The following HBS1L variants were observed in gnomAD, a reference collection of about 807,000 sequenced individuals.
HBS1L encodes the protein HBS1 like translational GTPase.
HBS1L carries 55 observed loss-of-function variants against 88.9 expected under a neutral mutation model. The observed-to-expected ratio is 0.62, with a 90% CI of 0.50 to 0.77. HBS1L has a LOEUF of 0.77. Among genes scored for constraint, HBS1L ranks in the 30% least tolerant of loss-of-function variants. HBS1L has a pLI of 0.00. For synonymous variants in HBS1L, 267 were observed against 288.5 expected, an observed-to-expected ratio of 0.93 and a Z score of 0.76; for missense variants, 741 against 829.3, an observed-to-expected ratio of 0.89 and a Z score of 1.31.
chr6:135,000,559 T>C (rs1023755888), intron 5 of HBS1L, among the ~76,000 whole-genome samples: 1 of 152,122 alleles, frequency 6.6e-6, no homozygotes, highest in South Asian at 2.1e-4. Context: ...ATGCACTTAC[T>C]TGCATCTACT....
chr6:134,971,097 A>G (rs540799743), intron 15 of HBS1L, among the ~76,000 whole-genome samples: 1 of 124,580 alleles, frequency 8.0e-6, no homozygotes, highest in Non-Finnish European at 1.8e-5. Flanking sequence ...AAACCAACTC[A>G]TTCAATTAAA....
intron 4 of HBS1L, chr6:135,027,019 C>T (rs537208430): frequency 1.3e-5 from 2 of 151,070 alleles, no homozygotes; most frequent in South Asian, 4.2e-4. Flanking sequence ...TGGCAAGATC[C>T]CATCTCTACT....
intron 4 of HBS1L, among the ~76,000 whole-genome samples, chr6:135,020,854 C>G (rs1776052929): frequency 6.6e-6 from 1 of 151,752 alleles, no homozygotes; most frequent in Admixed American, 6.6e-5. Context: ...TAAAAAGGGT[C>G]TATGTGTGGT....
At chr6:135,035,738 G>A (rs1310630858) in intron 4 of HBS1L, 35 of 146,088 alleles carry the variant, frequency 2.4e-4, no homozygotes, top group Middle Eastern at 5.4e-3. Context: ...GCAACAGAGC[G>A]AGACTCTGTC....
At chr6:134,969,365 A>G in intron 15 of HBS1L, 27 bp from the exon 16 acceptor site, 1 of 1,357,404 alleles carries the variant, frequency 7.4e-7, no homozygotes, top group Non-Finnish European at 1.1e-6. Flanking sequence ...TAACACTAAA[A>G]ATCTGCTACC....
intron 9 of HBS1L, 38 bp downstream of exon 9, chr6:134,987,607 T>C: frequency 1.3e-6 from 2 of 1,513,714 alleles, no homozygotes; most frequent in Non-Finnish European, 1.8e-6. Context: ...ACATCTTAAT[T>C]AGCATCTTAA....
chr6:135,016,555 C>T (rs1189305673), intron 4 of HBS1L, among the ~76,000 whole-genome samples: 1 of 152,162 alleles, frequency 6.6e-6, no homozygotes, highest in Non-Finnish European at 1.5e-5. Context: ...TACATCACAA[C>T]ATGATGCTAT....
intron 4 of HBS1L, among the ~76,000 whole-genome samples, chr6:135,031,055 T>A (rs1477471900): frequency 1.3e-5 from 2 of 152,096 alleles, no homozygotes; most frequent in Non-Finnish European, 2.9e-5. Flanking sequence ...GGTAATTTTG[T>A]ACTTTTTGTT....
chr6:135,022,895 A>C (rs1776111745), intron 4 of HBS1L, among the ~76,000 whole-genome samples: 1 of 151,922 alleles, frequency 6.6e-6, no homozygotes, highest in African/African-American at 2.4e-5. Context: ...ATAAGGATAA[A>C]ATCTCATAAT....
At chr6:134,983,429 T>C (rs1391779241) in intron 12 of HBS1L, 1 of 151,634 alleles carries the variant, frequency 6.6e-6, no homozygotes, top group Admixed American at 6.6e-5. Flanking sequence ...GAATAACAAG[T>C]TTGGAGTGGT....
intron 4 of HBS1L, among the ~76,000 whole-genome samples, chr6:135,024,245 C>A (rs1776157175): frequency 6.6e-6 from 1 of 151,862 alleles, no homozygotes. Flanking sequence ...TCCAGACCAT[C>A]CTGGCTAACA....
At chr6:135,026,527 T>C (rs1776231557) in intron 4 of HBS1L, among the ~76,000 whole-genome samples, 1 of 152,096 alleles carries the variant, frequency 6.6e-6, no homozygotes. Flanking sequence ...GGTCTATTAA[T>C]AACATAAATG....
chr6:134,997,401 G>A lies in HBS1L; in HGVS notation c.795C>T (p.Val265=), dbSNP rs1484868621. The A allele has an allele frequency of 8.7e-6, 14 of 1,613,870 alleles. No individual in the cohort carries two copies. Among genetic ancestry groups the A allele is most frequent in the Non-Finnish European group, 1.2e-5 (14 of 1,179,914 alleles). ...QGGKQLLNLV[V]IGHVDAGKST... Reference sequence around the variant, plus strand: ...CAGAGGGACAAAGAGCATTACCAATGACCACTAAGTTGAGTAGCTGCTTCC... The same window carrying A: ...CAGAGGGACAAAGAGCATTACCAATAACCACTAAGTTGAGTAGCTGCTTCC... Residue 265 remains valine (V), a synonymous_variant, in exon 6 of 18, where the codon GTC becomes GTT. Coordinates refer to ENST00000367837, the MANE Select transcript of HBS1L (RefSeq NM_006620.4).
chr6:135,008,930 A>G (rs1352898848), intron 4 of HBS1L, among the ~76,000 whole-genome samples: 1 of 152,116 alleles, frequency 6.6e-6, no homozygotes, highest in African/African-American at 2.4e-5. Flanking sequence ...AAATTGTGAA[A>G]CTACAAGGTG....
At chr6:134,981,389 TA>T in intron 13 of HBS1L, among the ~76,000 whole-genome samples, 1 of 152,072 alleles carries the variant, frequency 6.6e-6, no homozygotes, top group African/African-American at 2.4e-5. Flanking sequence ...TGGGCACAAA[TA>T]AAAAGGTCAA....
chr6:135,041,598 GGTTT>G (rs1241545033), intron 3 of HBS1L, among the ~76,000 whole-genome samples: 1 of 151,944 alleles, frequency 6.6e-6, no homozygotes, highest in East Asian at 1.9e-4. Flanking sequence ...GACTTCAACT[GGTTT>G]TTTTTGAAAC....
chr6:134,996,567 C>T (rs535901203), intron 7 of HBS1L, among the ~76,000 whole-genome samples: 1 of 152,172 alleles, frequency 6.6e-6, no homozygotes, highest in South Asian at 2.1e-4. Flanking sequence ...TTTAAACATT[C>T]TTTTAATCTA....
At chr6:135,050,975 C>A (rs1246042830) in intron 1 of HBS1L, among the ~76,000 whole-genome samples, 1 of 152,166 alleles carries the variant, frequency 6.6e-6, no homozygotes, top group Non-Finnish European at 1.5e-5. Flanking sequence ...CGCCTGTAAT[C>A]CCAGCACTTT....
At chr6:134,979,556 A>G (rs1386764546) in intron 13 of HBS1L, 2 of 298,934 alleles carry the variant, frequency 6.7e-6, no homozygotes, top group Non-Finnish European at 1.3e-5. Context: ...CAATTGGTAT[A>G]TTCATTAAAC....
Sources: allele counts gnomAD v4.1 joint callset (sites outside exome capture counted in the v4.1 genomes callset), GRCh38; gene constraint gnomAD v4.1.1; transcripts MANE v1.5; gene names NCBI Gene and HGNC (gene_info 2026-07-23, HGNC 2026-07-21).